PGM1: variants seen among roughly 807,000 people sequenced by gnomAD.
PGM1 encodes the protein phosphoglucomutase-1.
In PGM1, 52 loss-of-function variants were observed where a neutral mutation model predicts 55.6. That is an observed-to-expected ratio of 0.94 (90% confidence interval 0.75 to 1.18). The LOEUF (loss-of-function observed/expected upper bound fraction) is 1.18, where lower values mean the gene tolerates loss of function less well. Ranked by LOEUF, PGM1 falls within the 50% of genes most tolerant of loss-of-function variation. PGM1 has a pLI of 0.00. For synonymous variants in PGM1, 287 were observed against 271.7 expected, an observed-to-expected ratio of 1.06 and a Z score of -0.55; for missense variants, 724 against 729.3, an observed-to-expected ratio of 0.99 and a Z score of 0.08.
At chr1:63,601,292 G>A (rs1249857058) in intron 1 of PGM1, among the ~76,000 whole-genome samples, 2 of 152,086 alleles carry the variant, frequency 1.3e-5, no homozygotes, top group African/African-American at 4.8e-5. Flanking sequence ...AGTTCCTTTG[G>A]GGCACACTGC....
intron 1 of PGM1, chr1:63,623,539 A>C (rs376491296): frequency 6.2e-7 from 1 of 1,612,668 alleles, no homozygotes; most frequent in Non-Finnish European, 8.5e-7. Context: ...GACTTTTGCT[A>C]CAGCTCCCTA....
chr1:63,647,009 G>A lies in PGM1; in HGVS notation c.1145-1508G>A, dbSNP rs374633275. On this transcript the variant is annotated intron_variant, in intron 7 of 10. Transcript: ENST00000371084. ...TGTAATCCTAGCACTTTGGGAGGCC[G>A]AGGCGGATGGATCACCTGAGGTCAG... is the stretch of plus-strand genomic sequence containing the variant. Among the ~76,000 whole-genome samples, 21 of 151,876 alleles carry A rather than the reference G, an allele frequency of 1.4e-4. 3 individuals are homozygous for A. The highest frequency in any genetic ancestry group is 2.2e-4 in the African/African-American group (9 of 41,462).
chr1:63,617,730 CAAAAAAAAAAAAAA>C (rs34771728), intron 1 of PGM1, among the ~76,000 whole-genome samples: 6 of 43,300 alleles, frequency 1.4e-4, no homozygotes, highest in East Asian at 7.6e-4. Context: ...TGCCTCCCCA[CAAAAAAAAAAAAAA>C]AAAAAAAAAA....
intron 1 of PGM1, among the ~76,000 whole-genome samples, chr1:63,597,298 T>C (rs1234674995): frequency 1.3e-5 from 2 of 151,958 alleles, no homozygotes; most frequent in East Asian, 3.9e-4. Flanking sequence ...ATTGAGGGAG[T>C]TTAGATTAGA....
chr1:63,626,241 A>G (rs983655922), intron 1 of PGM1, among the ~76,000 whole-genome samples: 1 of 152,172 alleles, frequency 6.6e-6, no homozygotes, highest in African/African-American at 2.4e-5. Context: ...CATTTTAACC[A>G]TTTTCAGTGT....
chr1:63,636,794 G>A (rs1316736025), intron 6 of PGM1, among the ~76,000 whole-genome samples: 1 of 152,224 alleles, frequency 6.6e-6, no homozygotes, highest in Non-Finnish European at 1.5e-5. Context: ...GAATAGTTGA[G>A]TGTTAATGAA....
At chr1:63,601,823 A>G (rs1557702183) in intron 1 of PGM1, among the ~76,000 whole-genome samples, 1 of 152,212 alleles carries the variant, frequency 6.6e-6, no homozygotes, top group Non-Finnish European at 1.5e-5. Context: ...TCCTTCCCAT[A>G]GCTTCTCCAA....
At chr1:63,643,752 G>A (rs1437669101) in intron 7 of PGM1, among the ~76,000 whole-genome samples, 1 of 152,214 alleles carries the variant, frequency 6.6e-6, no homozygotes, top group Non-Finnish European at 1.5e-5. Flanking sequence ...ACAACTCATA[G>A]TCTAGGATAC....
intron 1 of PGM1, among the ~76,000 whole-genome samples, chr1:63,609,353 A>G (rs1648506632): frequency 6.6e-6 from 1 of 152,200 alleles, no homozygotes; most frequent in Admixed American, 6.5e-5. Context: ...ACCTCCTGGG[A>G]CATGTGAATG....
chr1:63,599,554 G>T (rs1315372683), intron 1 of PGM1, among the ~76,000 whole-genome samples: 1 of 150,386 alleles, frequency 6.6e-6, no homozygotes, highest in South Asian at 2.1e-4. Context: ...GTGGCTTACC[G>T]CACTTGAGTG....
rs1649714532 is a variant in PGM1, at chr1:63,648,527, C to T, written c.1155C>T (p.His385=). 1 of 1,613,984 alleles carries T rather than the reference C, an allele frequency of 6.2e-7. No homozygotes were observed. Among genetic ancestry groups the T allele is most frequent in the Admixed American group, 1.7e-5 (1 of 59,996 alleles). Residue 385 remains histidine (H), a synonymous_variant, in exon 8 of 11, where the codon CAC becomes CAT. Coordinates refer to ENST00000371084, the MANE Select transcript of PGM1 (RefSeq NM_002633.3). Reference sequence around the variant, plus strand: ...CTGTCCCCCCTCCAGGTTCTGACCACATCCGTGAGAAAGATGGACTGTGGG... The same window carrying T: ...CTGTCCCCCCTCCAGGTTCTGACCATATCCGTGAGAAAGATGGACTGTGGG... ...GEESFGTGSD[H]IREKDGLWAV...
At position 63,659,911 on chromosome 1, in the gene PGM1, T is replaced by C. The variant is rs534628770; in HGVS notation, c.*236T>C. 822 of 605,624 alleles carry C rather than the reference T, an allele frequency of 1.4e-3. No individual in the cohort carries two copies. Among genetic ancestry groups the C allele is most frequent in the Non-Finnish European group, 1.8e-3 (598 of 334,412 alleles). 37.5% of individuals were successfully genotyped at this position (605,624 alleles called of 1,614,324 possible). ...ATCTCAATTCCTTTTCATGCCCTCC[T>C]GCATTGCTGCTGCGTGGGTATTTGT... On this transcript the variant is annotated 3_prime_UTR_variant, in exon 11 of 11. Transcript: ENST00000371084.
chr1:63,610,378 A>T (rs953558309), intron 1 of PGM1, among the ~76,000 whole-genome samples: 4 of 152,214 alleles, frequency 2.6e-5, no homozygotes, highest in Non-Finnish European at 2.9e-5. Context: ...AGAATAATAA[A>T]AAAAAAAGTT....
chr1:63,642,608 T>C (rs145578829), intron 7 of PGM1, among the ~76,000 whole-genome samples: 6 of 152,284 alleles, frequency 3.9e-5, no homozygotes, highest in Admixed American at 2.6e-4. Context: ...GAACCCTTCC[T>C]CAGGAAAATA....
chr1:63,629,681 T>C, intron 2 of PGM1, 94 bp downstream of exon 2: 1 of 1,291,014 alleles, frequency 7.7e-7, no homozygotes, highest in Non-Finnish European at 1.1e-6. Context: ...TTGGTTCTGA[T>C]CCTTTGCAGG....
intron 1 of PGM1, among the ~76,000 whole-genome samples, chr1:63,604,545 A>G (rs1329723543): frequency 6.6e-6 from 1 of 152,178 alleles, no homozygotes; most frequent in Non-Finnish European, 1.5e-5. Flanking sequence ...TCTAACATGC[A>G]GGCCACATTT....
At chr1:63,616,147 A>G (rs1487022895) in intron 1 of PGM1, among the ~76,000 whole-genome samples, 2 of 152,226 alleles carry the variant, frequency 1.3e-5, no homozygotes, top group African/African-American at 4.8e-5. Context: ...GTTAGCGCCA[A>G]GTGAATATTC....
At chr1:63,635,105 AC>A in intron 5 of PGM1, 86 bp downstream of exon 5, 1 of 1,108,506 alleles carries the variant, frequency 9.0e-7, no homozygotes, top group Non-Finnish European at 1.4e-6. Context: ...CTTCTGCCAG[AC>A]CCAGGGAATA....
chr1:63,654,683 G>C (rs548958332), intron 10 of PGM1, among the ~76,000 whole-genome samples: 12 of 152,100 alleles, frequency 7.9e-5, no homozygotes, highest in African/African-American at 2.9e-4. Flanking sequence ...CTGAGCCCAG[G>C]AGGTCAAGCC....
Sources: gnomAD v4.1 joint callset for allele counts (sites outside exome capture counted in the v4.1 genomes callset) on GRCh38, gnomAD v4.1.1 for gene constraint, MANE v1.5 for transcripts, NCBI Gene and HGNC (gene_info 2026-07-23, HGNC 2026-07-21) for gene names.